Variants in WDR70 observed in about 807,000 individuals in gnomAD.
The protein encoded by WDR70 is WD repeat domain 70, also known as WD repeat-containing protein 70.
In WDR70, 53 loss-of-function variants were observed where a neutral mutation model predicts 88.6. The observed-to-expected ratio is 0.60, with a 90% CI of 0.48 to 0.75. The LOEUF (loss-of-function observed/expected upper bound fraction) is 0.75. WDR70 is among the 30% of genes least tolerant of loss of function. The probability of loss-of-function intolerance (pLI) is 0.00; values close to 1 mark genes in which losing one functional copy is unlikely to be tolerated. For missense variants in WDR70, 610 were observed against 823.2 expected (o/e 0.74, Z 3.17); for synonymous variants, 280 against 270.0 (o/e 1.04, Z -0.36).
chr5:37,728,493 A>G (rs1180350753), intron 17 of WDR70, among the ~76,000 whole-genome samples: 3 of 151,556 alleles, frequency 2.0e-5, no homozygotes, highest in Admixed American at 1.3e-4. Context: ...TACCTTTCCT[A>G]TGTTTCATGA....
chr5:37,678,061 T>C (rs1165117107), intron 10 of WDR70, among the ~76,000 whole-genome samples: 3 of 152,132 alleles, frequency 2.0e-5, no homozygotes, highest in Admixed American at 1.3e-4. Context: ...AACCCCTGCC[T>C]TTTTTTGTTT....
At chr5:37,479,692 A>G (rs1739599338) in intron 7 of WDR70, 142 bp from the exon 8 acceptor site, 3 of 995,864 alleles carry the variant, frequency 3.0e-6, no homozygotes, top group East Asian at 2.5e-5. Context: ...TTTAGAACCC[A>G]TTTGAGGTTG....
intron 10 of WDR70, among the ~76,000 whole-genome samples, chr5:37,645,777 A>C (rs1399801886): frequency 2.6e-5 from 4 of 152,054 alleles, no homozygotes; most frequent in Non-Finnish European, 5.9e-5. Flanking sequence ...TGTCTGTTAT[A>C]AACATATCTA....
At chr5:37,546,838 A>G (rs1202787420) in intron 9 of WDR70, among the ~76,000 whole-genome samples, 1 of 152,106 alleles carries the variant, frequency 6.6e-6, no homozygotes, top group Non-Finnish European at 1.5e-5. Context: ...GAATTGCCTG[A>G]ACCTGGGAGG....
At chr5:37,641,775 T>C (rs1249166311) in intron 10 of WDR70, among the ~76,000 whole-genome samples, 1 of 152,164 alleles carries the variant, frequency 6.6e-6, no homozygotes, top group Non-Finnish European at 1.5e-5. Context: ...TAATACTTCC[T>C]AGTTCCTGTA....
At chr5:37,689,660 A>T (rs981013910) in intron 10 of WDR70, among the ~76,000 whole-genome samples, 2 of 152,170 alleles carry the variant, frequency 1.3e-5, no homozygotes, top group African/African-American at 4.8e-5. Context: ...AAGGAATAGC[A>T]TCAACATAAA....
At chr5:37,633,357 TTATTC>T (rs1446445894) in intron 10 of WDR70, among the ~76,000 whole-genome samples, 1 of 152,162 alleles carries the variant, frequency 6.6e-6, no homozygotes, top group Non-Finnish European at 1.5e-5. Flanking sequence ...AGGAAATAAT[TTATTC>T]TATACTATAT....
intron 5 of WDR70, 107 bp downstream of exon 5, chr5:37,396,677 A>C: frequency 1.4e-6 from 2 of 1,428,948 alleles, no homozygotes; most frequent in Non-Finnish European, 1.8e-6. Context: ...TTAAAAACTG[A>C]GGAAAGGCCG....
intron 10 of WDR70, among the ~76,000 whole-genome samples, chr5:37,614,833 A>G (rs558213259): frequency 2.0e-5 from 3 of 152,202 alleles, no homozygotes; most frequent in Admixed American, 1.3e-4. Flanking sequence ...ATCCTCTAAC[A>G]TGAAATACAG....
chr5:37,404,035 C>G (rs1332186217), intron 5 of WDR70, among the ~76,000 whole-genome samples: 1 of 152,152 alleles, frequency 6.6e-6, no homozygotes, highest in Admixed American at 6.6e-5. Flanking sequence ...ACCTCTGCAC[C>G]CAGCTAACCT....
chr5:37,526,568 G>T (rs1198914153), intron 9 of WDR70, among the ~76,000 whole-genome samples: 3 of 152,266 alleles, frequency 2.0e-5, no homozygotes, highest in South Asian at 2.1e-4. Flanking sequence ...TTTGAAAACT[G>T]CCACAAGACA....
chr5:37,687,879 G>C, intron 10 of WDR70: 1 of 644,364 alleles, frequency 1.6e-6, no homozygotes, highest in Non-Finnish European at 2.9e-6. Context: ...GGGAGCATCA[G>C]ATTCACAATA....
chr5:37,542,230 A>G (rs2112330568), intron 9 of WDR70, among the ~76,000 whole-genome samples: 1 of 151,960 alleles, frequency 6.6e-6, no homozygotes, highest in East Asian at 1.9e-4. Context: ...TGTGAAATGA[A>G]TATTTACAGA....
chr5:37,486,846 C>A (rs1353034467), intron 8 of WDR70, among the ~76,000 whole-genome samples: 1 of 150,320 alleles, frequency 6.7e-6, no homozygotes, highest in Non-Finnish European at 1.5e-5. Context: ...GTTTAAGTTC[C>A]TTATCAGTGT....
At chr5:37,444,971 G>A (rs1353816036) in intron 7 of WDR70, among the ~76,000 whole-genome samples, 1 of 152,130 alleles carries the variant, frequency 6.6e-6, no homozygotes, top group Non-Finnish European at 1.5e-5. Flanking sequence ...CCGGAGCTCA[G>A]GTGGTAACGC....
chr5:37,569,128 C>T (rs1742828291), intron 9 of WDR70, among the ~76,000 whole-genome samples: 1 of 152,184 alleles, frequency 6.6e-6, no homozygotes, highest in South Asian at 2.1e-4. Flanking sequence ...ATTATGTCAA[C>T]CTGTCAGGCT....
Position 37,413,608 on chromosome 5 carries a change from C to T in WDR70, c.492+17038C>T, listed in dbSNP as rs548136181. 2.6e-5 allele frequency among the ~76,000 whole-genome samples: 4 copies of T among 151,736 alleles called. No homozygotes were observed. In the East Asian group the frequency reaches 5.8e-4, roughly 22 times the overall value. On this transcript the variant is annotated intron_variant, in intron 5 of 17. Transcript: ENST00000265107. ...TGGTGGCGTGTGCCTGTGATCCCAG[C>T]TACTTGGGAGGCTGAGGCAGGAGAA...
At chr5:37,422,109 A>G (rs1043937863) in intron 5 of WDR70, among the ~76,000 whole-genome samples, 3 of 152,118 alleles carry the variant, frequency 2.0e-5, no homozygotes, top group Non-Finnish European at 4.4e-5. Flanking sequence ...ATGGATTCTT[A>G]ATACAAATAT....
chr5:37,739,125 A>G (rs1025315441), intron 17 of WDR70, among the ~76,000 whole-genome samples: 1 of 152,236 alleles, frequency 6.6e-6, no homozygotes. Flanking sequence ...CAAGGTTCAC[A>G]TCAGCCCTCT....
Sources: gnomAD v4.1 joint callset for allele counts (sites outside exome capture counted in the v4.1 genomes callset) on GRCh38, gnomAD v4.1.1 for gene constraint, MANE v1.5 for transcripts, NCBI Gene and HGNC (gene_info 2026-07-23, HGNC 2026-07-21) for gene names.